Variants in TLE4 observed in about 807,000 individuals in gnomAD.
TLE4 encodes TLE family member 4, transcriptional corepressor, also known as transducin-like enhancer protein 4.
In TLE4, 8 loss-of-function variants were observed where a neutral mutation model predicts 92.8. The observed-to-expected ratio is 0.09, with a 90% CI of 0.05 to 0.16. The LOEUF is 0.16. Among genes scored for constraint, TLE4 ranks in the 10% least tolerant of loss-of-function variants. The probability of loss-of-function intolerance (pLI) is 1.00; values close to 1 mark genes in which losing one functional copy is unlikely to be tolerated. For synonymous variants in TLE4, 371 were observed against 374.1 expected, an observed-to-expected ratio of 0.99 and a Z score of 0.10; for missense variants, 675 against 997.6, an observed-to-expected ratio of 0.68 and a Z score of 4.36.
intron 14 of TLE4, among the ~76,000 whole-genome samples, chr9:79,716,524 G>A (rs576901790): frequency 6.6e-5 from 10 of 152,164 alleles, no homozygotes; most frequent in Admixed American, 1.3e-4. Flanking sequence ...TAGGGACTTT[G>A]TCAGTATTGT....
intron 4 of TLE4, chr9:79,576,467 T>A (rs1587594950): frequency 9.1e-6 from 2 of 219,736 alleles, no homozygotes; most frequent in East Asian, 1.8e-4. Flanking sequence ...GTTATTCTTC[T>A]GAAAGAGTTG....
At chr9:79,678,172 TAGGTCC>T (rs772353820) in intron 8 of TLE4, among the ~76,000 whole-genome samples, 9 of 152,142 alleles carry the variant, frequency 5.9e-5, no homozygotes, top group Non-Finnish European at 1.0e-4. Context: ...TCTAGATGCA[TAGGTCC>T]ACAGATAATG....
At chr9:79,714,139 C>T (rs1017854624) in intron 14 of TLE4, among the ~76,000 whole-genome samples, 1 of 152,086 alleles carries the variant, frequency 6.6e-6, no homozygotes, top group Non-Finnish European at 1.5e-5. Flanking sequence ...GATTACAGGC[C>T]TGAGCTACCG....
intron 8 of TLE4, among the ~76,000 whole-genome samples, chr9:79,687,409 C>G (rs1436946329): frequency 2.0e-5 from 3 of 152,224 alleles, no homozygotes; most frequent in African/African-American, 7.2e-5. Context: ...TCAAAAATAT[C>G]TCTCAAGTGG....
chr9:79,705,424 G>A (rs1457851602), intron 9 of TLE4, among the ~76,000 whole-genome samples: 1 of 152,238 alleles, frequency 6.6e-6, no homozygotes, highest in African/African-American at 2.4e-5. Flanking sequence ...GCAGTGTGGA[G>A]GCAGGCGGCC....
At chr9:79,649,895 G>A (rs767687153) in intron 6 of TLE4, 2 of 1,343,308 alleles carry the variant, frequency 1.5e-6, no homozygotes, top group East Asian at 4.6e-5. Flanking sequence ...TGTTGTTGTT[G>A]TTGTTGTTTT....
intron 6 of TLE4, among the ~76,000 whole-genome samples, chr9:79,631,197 ACT>A (rs1333835412): frequency 2.0e-5 from 3 of 152,090 alleles, no homozygotes; most frequent in East Asian, 1.9e-4. Context: ...GGTTTTTCAC[ACT>A]CTCTGTGTTA....
intron 8 of TLE4, among the ~76,000 whole-genome samples, chr9:79,666,026 T>C (rs2061333444): frequency 6.6e-6 from 1 of 152,152 alleles, no homozygotes. Context: ...CAATTTTTTA[T>C]GCCAAGAACT....
At position 79,584,238 on chromosome 9, in the gene TLE4, A is replaced by C. The variant is rs553195054; in HGVS notation, c.252+8061A>C. On this transcript the variant is annotated intron_variant, in intron 4 of 19. Transcript: ENST00000376552. ...GCAACATGAGGAGCATGGTGATGCT[A>C]CTGGCAGTCCAAGAGTGTTACACCG... 9.8e-5 allele frequency among the ~76,000 whole-genome samples: 15 copies of C among 152,334 alleles called. No homozygotes were observed. In the South Asian group the frequency reaches 3.1e-3, roughly 32 times the overall value.
chr9:79,676,376 G>C, intron 8 of TLE4, among the ~76,000 whole-genome samples: 1 of 152,122 alleles, frequency 6.6e-6, no homozygotes, highest in Non-Finnish European at 1.5e-5. Flanking sequence ...TATTCTTAAA[G>C]TATAAATCAC....
At position 79,718,816 on chromosome 9, in the gene TLE4, C is replaced by T. The variant is rs1362188642; in HGVS notation, c.1435C>T (p.Arg479Cys). The T allele has an allele frequency of 5.6e-6, 9 of 1,614,010 alleles. No individual in the cohort carries two copies. Among genetic ancestry groups the T allele is most frequent in the East Asian group, 2.2e-5 (1 of 44,858 alleles). The change falls in exon 15 of 20, where the codon CGC becomes TGC. Residue 479 changes from arginine to cysteine, a missense_variant. Physicochemically the swap from Arg to Cys is radical, Grantham distance 180. This residue lies in a region of TLE4 where 119 missense variants were observed against 175.9 expected (regional missense o/e 0.68). Transcript: ENST00000376552. ...LIGPGIPRHA[R>C]QINTLNHGEV... ...CGGACCTGGAATCCCCCGGCATGCT[C>T]GCCAGATCAACACCCTCAACCACGG...
chr9:79,708,728 A>G lies in TLE4; in HGVS notation c.1205A>G (p.Gln402Arg). The G allele has an allele frequency of 6.2e-7, 1 of 1,612,154 alleles. No homozygotes were observed. Among genetic ancestry groups the G allele is most frequent in the Non-Finnish European group, 8.5e-7 (1 of 1,180,040 alleles). Residue 402 changes from glutamine (Q) to arginine (R), a missense_variant, in exon 13 of 20, where the codon CAG becomes CGG. Gln to Arg is a conservative substitution (Grantham distance 43). This residue lies in a region of TLE4 where 119 missense variants were observed against 175.9 expected (regional missense o/e 0.68). Transcript: ENST00000376552. The part of the protein sequence containing the change: ...AYAGLHNISP[Q>R]MSAAAAAAAA... ...GCTGGGCTCCACAACATCTCCCCTC[A>G]GATGAGCGCAGCTGCTGCCGCCGCC...
At chr9:79,704,359 C>T (rs978998503) in intron 8 of TLE4, among the ~76,000 whole-genome samples, 7 of 152,230 alleles carry the variant, frequency 4.6e-5, no homozygotes, top group Non-Finnish European at 7.4e-5. Context: ...GTGATCTGCC[C>T]GCCTTGGCTT....
intron 6 of TLE4, among the ~76,000 whole-genome samples, chr9:79,651,214 T>C (rs1393846475): frequency 6.6e-6 from 1 of 152,204 alleles, no homozygotes; most frequent in African/African-American, 2.4e-5. Context: ...AAATTTAACC[T>C]GAGAATTACT....
intron 5 of TLE4, among the ~76,000 whole-genome samples, chr9:79,619,778 G>T (rs1213003935): frequency 6.6e-6 from 1 of 152,236 alleles, no homozygotes; most frequent in Non-Finnish European, 1.5e-5. Context: ...AATAGACATG[G>T]ATTGGGGCTT....
At chr9:79,694,596 T>C (rs971908798) in intron 8 of TLE4, among the ~76,000 whole-genome samples, 13 of 152,220 alleles carry the variant, frequency 8.5e-5, no homozygotes, top group Non-Finnish European at 1.9e-4. Context: ...CAGTCACAAC[T>C]GATACTAATA....
chr9:79,573,304 T>C (rs2131792298), intron 1 of TLE4: 1 of 1,030,494 alleles, frequency 9.7e-7, no homozygotes, highest in Non-Finnish European at 1.2e-6. Flanking sequence ...GCCTCCCTCC[T>C]CCCCCGGCCT....
chr9:79,638,914 C>T (rs1238761420), intron 6 of TLE4, among the ~76,000 whole-genome samples: 1 of 152,100 alleles, frequency 6.6e-6, no homozygotes, highest in Admixed American at 6.6e-5. Flanking sequence ...CCCTTGCAGG[C>T]AGAGGCTACC....
chr9:79,573,134 G>C (rs1283693690), intron 1 of TLE4: 1 of 687,222 alleles, frequency 1.5e-6, no homozygotes, highest in Admixed American at 5.0e-5. Context: ...GGGGGGTGGC[G>C]AGCGATGAAG....
Sources: gnomAD v4.1 joint callset for allele counts (sites outside exome capture counted in the v4.1 genomes callset) on GRCh38, gnomAD v4.1.1 for gene constraint, gnomAD v4.1.1 regional missense constraint, MANE v1.5 for transcripts, NCBI Gene and HGNC (gene_info 2026-07-23, HGNC 2026-07-21) for gene names.